Variants in ADAMTS6 observed in about 807,000 individuals in gnomAD.
ADAMTS6 encodes the protein A disintegrin and metalloproteinase with thrombospondin motifs 6.
A neutral mutation model predicts 144.3 loss-of-function variants in ADAMTS6; 23 were observed. That is an observed-to-expected ratio of 0.16 (90% confidence interval 0.11 to 0.23). ADAMTS6 has a LOEUF of 0.23. Ranked by LOEUF, ADAMTS6 falls within the 10% of genes least tolerant of loss-of-function variation. ADAMTS6 has a pLI of 1.00. For missense variants in ADAMTS6, 999 were observed against 1,379.6 expected (o/e 0.72, Z 4.37); for synonymous variants, 444 against 457.5 (o/e 0.97, Z 0.38).
intron 24 of ADAMTS6, among the ~76,000 whole-genome samples, chr5:65,162,905 T>C (rs1159135542): frequency 6.6e-6 from 1 of 152,058 alleles, no homozygotes; most frequent in Non-Finnish European, 1.5e-5. Flanking sequence ...TTTTGTTCTG[T>C]TTTGTTTTGG....
At chr5:65,244,319 T>C (rs1292380876) in intron 14 of ADAMTS6, among the ~76,000 whole-genome samples, 1 of 152,088 alleles carries the variant, frequency 6.6e-6, no homozygotes, top group Admixed American at 6.6e-5. Flanking sequence ...GCATAAGCAC[T>C]GGTACATTAA....
chr5:65,342,990 G>A lies in ADAMTS6; in HGVS notation c.1074-8905C>T, dbSNP rs113557010. Among the ~76,000 whole-genome samples the A allele has an allele frequency of 8.6e-3, 1,299 of 151,850 alleles. 17 individuals are homozygous for A. Among genetic ancestry groups the A allele is most frequent in the African/African-American group, 0.029 (1,222 of 41,460 alleles). On this transcript the variant is annotated intron_variant, in intron 7 of 24. Transcript: ENST00000381055. ...AAAATACTTGGGAATAAATTTAACCGAGGAGGTGAAAAACCTCTACAAGGA... is the reference window on the plus strand; with the variant it reads ...AAAATACTTGGGAATAAATTTAACCAAGGAGGTGAAAAACCTCTACAAGGA...
intron 24 of ADAMTS6, among the ~76,000 whole-genome samples, chr5:65,154,534 G>T (rs1332823976): frequency 2.0e-5 from 3 of 152,230 alleles, no homozygotes; most frequent in African/African-American, 7.2e-5. Context: ...CAACCCAGTA[G>T]TTAGGGGCAG....
At chr5:65,368,510 T>C (rs1213375288) in intron 7 of ADAMTS6, among the ~76,000 whole-genome samples, 1 of 152,182 alleles carries the variant, frequency 6.6e-6, no homozygotes, top group African/African-American at 2.4e-5. Context: ...TTCCCTTCTT[T>C]GTAGGCAATG....
chr5:65,409,036 A>G (rs1754819940), intron 7 of ADAMTS6, among the ~76,000 whole-genome samples: 1 of 152,240 alleles, frequency 6.6e-6, no homozygotes, highest in Non-Finnish European at 1.5e-5. Context: ...AAATGCCCAC[A>G]AGAGAAAGCA....
intron 21 of ADAMTS6, among the ~76,000 whole-genome samples, chr5:65,188,484 A>T (rs1014214068): frequency 4.6e-5 from 7 of 152,162 alleles, no homozygotes; most frequent in Admixed American, 3.3e-4. Flanking sequence ...TTTTAATTAC[A>T]TTCTAAAATG....
chr5:65,384,003 A>G (rs1752274511), intron 7 of ADAMTS6, among the ~76,000 whole-genome samples: 1 of 152,224 alleles, frequency 6.6e-6, no homozygotes, highest in African/African-American at 2.4e-5. Flanking sequence ...GCACTGCATC[A>G]GAACTCGGGG....
chr5:65,371,334 G>A (rs1318161890), intron 7 of ADAMTS6, among the ~76,000 whole-genome samples: 3 of 152,136 alleles, frequency 2.0e-5, no homozygotes, highest in African/African-American at 4.8e-5. Flanking sequence ...AACTACGGGA[G>A]GACATTCAAA....
rs1364989075 is a variant in ADAMTS6, at chr5:65,232,277, A to C, written c.1934-6058T>G. 1.3e-5 allele frequency among the ~76,000 whole-genome samples: 2 copies of C among 152,186 alleles called. 1 individual carries two copies. Among genetic ancestry groups the C allele is most frequent in the East Asian group, 3.8e-4 (2 of 5,196 alleles). On this transcript the variant is annotated intron_variant, in intron 15 of 24. Transcript: ENST00000381055. ...AACATGAAAAAAGGAGAAAGATTTCAAACAACTTAACTTTACATCTCAAGG... is the reference window on the plus strand; with the variant it reads ...AACATGAAAAAAGGAGAAAGATTTCCAACAACTTAACTTTACATCTCAAGG...
chr5:65,332,744 TA>T (rs1423256085), intron 8 of ADAMTS6, among the ~76,000 whole-genome samples: 3 of 152,124 alleles, frequency 2.0e-5, no homozygotes, highest in African/African-American at 7.2e-5. Flanking sequence ...AGCCAGTTGT[TA>T]GTTCCCAGTT....
intron 22 of ADAMTS6, among the ~76,000 whole-genome samples, chr5:65,176,865 T>C (rs992621297): frequency 6.6e-6 from 1 of 152,130 alleles, no homozygotes; most frequent in Non-Finnish European, 1.5e-5. Flanking sequence ...TAAAAATAGG[T>C]GCTAAAGGAA....
At chr5:65,339,505 A>G (rs2150072806) in intron 7 of ADAMTS6, among the ~76,000 whole-genome samples, 1 of 152,076 alleles carries the variant, frequency 6.6e-6, no homozygotes, top group South Asian at 2.1e-4. Flanking sequence ...TTCTTCAGTA[A>G]CAGAAACCAA....
chr5:65,179,185 T>A (rs1290634712), intron 22 of ADAMTS6, among the ~76,000 whole-genome samples: 1 of 152,234 alleles, frequency 6.6e-6, no homozygotes, highest in South Asian at 2.1e-4. Flanking sequence ...GACTGAGGAC[T>A]GTTTCCAGTG....
intron 7 of ADAMTS6, among the ~76,000 whole-genome samples, chr5:65,428,391 G>T (rs1743603964): frequency 6.6e-6 from 1 of 152,074 alleles, no homozygotes; most frequent in African/African-American, 2.4e-5. Flanking sequence ...CAACAAAAAA[G>T]GTTCACTAAG....
At chr5:65,460,125 G>A (rs1759532876) in intron 4 of ADAMTS6, 45 bp downstream of exon 4, 2 of 1,564,484 alleles carry the variant, frequency 1.3e-6, no homozygotes, top group Admixed American at 3.8e-5. Flanking sequence ...AGAAAAAGCA[G>A]CAATCCAGTA....
chr5:65,300,786 C>T (rs1224722383), intron 9 of ADAMTS6, among the ~76,000 whole-genome samples: 1 of 152,020 alleles, frequency 6.6e-6, no homozygotes, highest in Non-Finnish European at 1.5e-5. Flanking sequence ...CACCTGTCAC[C>T]CCGCCTGGCT....
At chr5:65,372,843 C>G (rs1751099814) in intron 7 of ADAMTS6, among the ~76,000 whole-genome samples, 1 of 152,088 alleles carries the variant, frequency 6.6e-6, no homozygotes, top group Non-Finnish European at 1.5e-5. Flanking sequence ...CCAAAATTGA[C>G]CACATAGTTG....
chr5:65,201,787 A>C (rs1015394707), intron 20 of ADAMTS6, among the ~76,000 whole-genome samples: 1 of 152,186 alleles, frequency 6.6e-6, no homozygotes, highest in African/African-American at 2.4e-5. Flanking sequence ...AAAAAGTCAG[A>C]GCTTGTACTA....
intron 7 of ADAMTS6, among the ~76,000 whole-genome samples, chr5:65,342,521 G>A (rs747102759): frequency 1.3e-5 from 2 of 151,956 alleles, no homozygotes; most frequent in Non-Finnish European, 2.9e-5. Context: ...ATTTGGGTGG[G>A]GACACAGCTA....
Sources: gnomAD v4.1 joint callset for allele counts (sites outside exome capture counted in the v4.1 genomes callset) on GRCh38, gnomAD v4.1.1 for gene constraint, MANE v1.5 for transcripts, NCBI Gene and HGNC (gene_info 2026-07-23, HGNC 2026-07-21) for gene names.